Variants in CEP350 observed in about 807,000 individuals in gnomAD.
CEP350 encodes centrosome-associated protein 350.
CEP350 carries 126 observed loss-of-function variants against 331.8 expected under a neutral mutation model. That is an observed-to-expected ratio of 0.38 (90% CI 0.33 to 0.44). The LOEUF (loss-of-function observed/expected upper bound fraction) is 0.44, where lower values mean the gene tolerates loss of function less well. Among genes scored for constraint, CEP350 ranks in the 20% least tolerant of loss-of-function variants. CEP350 has a pLI of 1.00. For missense variants in CEP350, 3,406 were observed against 3,634.6 expected, an observed-to-expected ratio of 0.94 and a Z score of 1.62; for synonymous variants, 1,200 against 1,259.5, an observed-to-expected ratio of 0.95 and a Z score of 1.00.
At chr1:180,090,856 G>T in intron 33 of CEP350, 60 bp downstream of exon 33, 1 of 1,356,656 alleles carries the variant, frequency 7.4e-7, no homozygotes, top group Non-Finnish European at 9.6e-7. Context: ...TTATGCAAAG[G>T]CCTACAAAAT....
intron 37 of CEP350, among the ~76,000 whole-genome samples, chr1:180,108,191 A>C (rs946506170): frequency 6.6e-6 from 1 of 152,032 alleles, no homozygotes; most frequent in Non-Finnish European, 1.5e-5. Context: ...CTTACATTTC[A>C]GTGGGGGCTG....
intron 17 of CEP350, among the ~76,000 whole-genome samples, chr1:180,038,657 A>G (rs1018533874): frequency 1.1e-4 from 16 of 152,142 alleles, no homozygotes; most frequent in African/African-American, 2.9e-4. Flanking sequence ...CTTTTTGTGT[A>G]TTTATTGAGC....
intron 37 of CEP350, among the ~76,000 whole-genome samples, chr1:180,099,900 C>T (rs1660704411): frequency 6.6e-6 from 1 of 151,664 alleles, no homozygotes; most frequent in Admixed American, 6.6e-5. Context: ...ATTCTCATGC[C>T]TCAACCTCCC....
chr1:180,071,203 A>G (rs1658868321), intron 27 of CEP350, among the ~76,000 whole-genome samples: 3 of 151,474 alleles, frequency 2.0e-5, no homozygotes, highest in Non-Finnish European at 2.9e-5. Context: ...CATACCTGTA[A>G]TCCCACTACT....
At chr1:180,108,852 T>C (rs944168357) in intron 37 of CEP350, among the ~76,000 whole-genome samples, 1 of 152,204 alleles carries the variant, frequency 6.6e-6, no homozygotes, top group African/African-American at 2.4e-5. Context: ...TCCAAAACTT[T>C]ATTTGGCCAT....
At chr1:180,050,893 A>G (rs552210255) in intron 22 of CEP350, among the ~76,000 whole-genome samples, 12 of 152,284 alleles carry the variant, frequency 7.9e-5, no homozygotes, top group African/African-American at 2.9e-4. Flanking sequence ...AAAAACAGAC[A>G]ATAACAAATT....
intron 1 of CEP350, chr1:179,968,757 C>T (rs762001608): frequency 3.2e-6 from 2 of 624,672 alleles, no homozygotes; most frequent in Non-Finnish European, 6.1e-6. Flanking sequence ...TGGAACAGTA[C>T]ATCTATAAAA....
chr1:179,976,412 A>G (rs541453531), intron 1 of CEP350, among the ~76,000 whole-genome samples: 3 of 152,298 alleles, frequency 2.0e-5, no homozygotes, highest in Non-Finnish European at 4.4e-5. Context: ...AGGAACTGTC[A>G]TTCATTTTGG....
chr1:180,077,871 C>T (rs1659330574), intron 28 of CEP350, among the ~76,000 whole-genome samples: 1 of 152,028 alleles, frequency 6.6e-6, no homozygotes, highest in Non-Finnish European at 1.5e-5. Flanking sequence ...TGGTGGCTCA[C>T]GCCTGTAATC....
intron 32 of CEP350, among the ~76,000 whole-genome samples, chr1:180,089,244 A>G (rs1660031201): frequency 6.6e-6 from 1 of 152,208 alleles, no homozygotes; most frequent in Non-Finnish European, 1.5e-5. Context: ...AAGCAGTAGT[A>G]AGAAGAATAG....
chr1:180,033,246 A>T (rs1656135190), intron 15 of CEP350, among the ~76,000 whole-genome samples: 1 of 152,152 alleles, frequency 6.6e-6, no homozygotes, highest in Non-Finnish European at 1.5e-5. Context: ...GTATTGAATT[A>T]AATGCCTTAA....
chr1:180,074,938 TA>T, intron 27 of CEP350, 83 bp from the exon 28 acceptor site: 2 of 1,155,738 alleles, frequency 1.7e-6, no homozygotes, highest in Non-Finnish European at 2.4e-6. Flanking sequence ...AGCTTGTTGA[TA>T]AGGTGGTGAG....
intron 22 of CEP350, among the ~76,000 whole-genome samples, chr1:180,049,624 A>G (rs375046003): frequency 6.7e-6 from 1 of 149,664 alleles, no homozygotes; most frequent in Non-Finnish European, 1.5e-5. Flanking sequence ...GCTCACTGCA[A>G]CCTCCGCCTC....
Position 180,019,939 on chromosome 1 carries a change from T to C in CEP350, c.2175-10T>C. 1 of 1,559,046 alleles carries C rather than the reference T, an allele frequency of 6.4e-7. No individual in the cohort carries two copies. Among genetic ancestry groups the C allele is most frequent in the South Asian group, 1.2e-5 (1 of 81,656 alleles). ...TTAGTTAACTAACATATTGTGACTT[T>C]CATTTCCAGAAAAGACTTGATGGAA... On this transcript the variant is annotated splice_polypyrimidine_tract_variant and intron_variant, in intron 11 of 37. Transcript: ENST00000367607.
At chr1:180,027,097 A>G (rs1272145179) in intron 14 of CEP350, among the ~76,000 whole-genome samples, 1 of 152,200 alleles carries the variant, frequency 6.6e-6, no homozygotes, top group Non-Finnish European at 1.5e-5. Flanking sequence ...TATTTTGTCT[A>G]CATTTATGCC....
At chr1:180,081,813 ATGTG>A (rs2149088685) in intron 30 of CEP350, among the ~76,000 whole-genome samples, 1 of 152,350 alleles carries the variant, frequency 6.6e-6, no homozygotes, top group South Asian at 2.1e-4. Flanking sequence ...TATATCATTT[ATGTG>A]TGTGTTTATC....
At chr1:180,092,100 T>C (rs188050464) in intron 33 of CEP350, among the ~76,000 whole-genome samples, 31 of 152,316 alleles carry the variant, frequency 2.0e-4, no homozygotes, top group African/African-American at 7.5e-4. Context: ...GTTAGCTCAC[T>C]ATATTGTACT....
chr1:179,994,335 A>T (rs1192480158), intron 5 of CEP350, among the ~76,000 whole-genome samples: 1 of 152,038 alleles, frequency 6.6e-6, no homozygotes, highest in Admixed American at 6.5e-5. Flanking sequence ...TTAACTGTGA[A>T]TTGTTACAGT....
chr1:180,030,211 T>TTG (rs1405988225), intron 14 of CEP350, among the ~76,000 whole-genome samples: 1 of 126,872 alleles, frequency 7.9e-6, no homozygotes, highest in African/African-American at 2.8e-5. Context: ...TTTAAATTTT[T>TTG]TGTATATATA....
Sources: allele counts gnomAD v4.1 joint callset (sites outside exome capture counted in the v4.1 genomes callset), GRCh38; gene constraint gnomAD v4.1.1; transcripts MANE v1.5; gene names NCBI Gene and HGNC (gene_info 2026-07-23, HGNC 2026-07-21).